Variants in GEMIN2 observed in about 807,000 individuals in gnomAD.
GEMIN2 encodes gem nuclear organelle associated protein 2, also known as gem-associated protein 2.
GEMIN2 carries 37 observed loss-of-function variants against 45.8 expected under a neutral mutation model. That is an observed-to-expected ratio of 0.81 (90% confidence interval 0.62 to 1.06). GEMIN2 has a LOEUF of 1.06. Among genes scored for constraint, GEMIN2 ranks in the 50% least tolerant of loss-of-function variants. GEMIN2 has a pLI of 0.00. For missense variants in GEMIN2, 335 were observed against 321.8 expected (o/e 1.04, Z -0.31); for synonymous variants, 101 against 111.5 (o/e 0.91, Z 0.60).
chr14:39,122,788 C>T, intron 5 of GEMIN2: 1 of 324,696 alleles, frequency 3.1e-6, no homozygotes, highest in African/African-American at 2.1e-5. Context: ...AAATGTTTGC[C>T]AACCCAGACT....
intron 7 of GEMIN2, among the ~76,000 whole-genome samples, chr14:39,129,934 GTTTTT>G (rs34165330): frequency 2.8e-4 from 17 of 61,432 alleles, no homozygotes; most frequent in Admixed American, 1.4e-3. Flanking sequence ...AGACAAGTTT[GTTTTT>G]TTTTTTTTTT....
chr14:39,128,143 A>T, intron 6 of GEMIN2, 137 bp from the exon 7 acceptor site: 1 of 528,382 alleles, frequency 1.9e-6, no homozygotes, highest in Non-Finnish European at 3.4e-6. Flanking sequence ...CAAACAAATT[A>T]GCTTTCTTTG....
chr14:39,126,458 G>A (rs143348872), intron 6 of GEMIN2, among the ~76,000 whole-genome samples: 102 of 152,272 alleles, frequency 6.7e-4, no homozygotes, highest in Non-Finnish European at 1.2e-3. Flanking sequence ...GGGAATACAG[G>A]TGTGAACCAC....
chr14:39,121,277 A>G (rs1333528411), intron 4 of GEMIN2, among the ~76,000 whole-genome samples: 1 of 152,180 alleles, frequency 6.6e-6, no homozygotes, highest in Admixed American at 6.5e-5. Context: ...CACACTTGTA[A>G]TCCCAGCACT....
chr14:39,135,717 G>C (rs1194635732), intron 9 of GEMIN2, among the ~76,000 whole-genome samples: 1 of 152,042 alleles, frequency 6.6e-6, no homozygotes, highest in African/African-American at 2.4e-5. Context: ...AGTGAGCCAT[G>C]ACAAAATCTG....
chr14:39,129,944 T>G (rs549527195), intron 7 of GEMIN2, among the ~76,000 whole-genome samples: 6 of 134,658 alleles, frequency 4.5e-5, no homozygotes, highest in African/African-American at 1.8e-4. Flanking sequence ...GTTTTTTTTT[T>G]TTTTTTTTTT....
Position 39,128,395 on chromosome 14 carries a change from G to A in GEMIN2, c.600+47G>A, listed in dbSNP as rs372309970. The A allele has an allele frequency of 1.3e-5, 13 of 992,488 alleles. No homozygotes were observed. The South Asian group carries it at 1.3e-4, about 10-fold the overall frequency. 61.5% of individuals were successfully genotyped at this position (992,488 alleles called of 1,614,324 possible). On this transcript the variant is annotated intron_variant, in intron 7 of 9. Coordinates refer to ENST00000308317, the MANE Select transcript of GEMIN2 (RefSeq NM_003616.3). ...TTCATAATGTAGGCAAAAATTAGACGTTTTGGGTCAACTGTGGGCCACATA... is the reference window on the plus strand; with the variant it reads ...TTCATAATGTAGGCAAAAATTAGACATTTTGGGTCAACTGTGGGCCACATA...
rs139047393 is a variant in GEMIN2, at chr14:39,118,594, A to T, written c.367A>T (p.Thr123Ser). 2.3e-3 allele frequency: 3,208 copies of T among 1,405,856 alleles called. 12 individuals carry two copies. Among genetic ancestry groups the T allele is most frequent in the Non-Finnish European group, 2.9e-3 (2,922 of 990,536 alleles). 87.1% of individuals were successfully genotyped at this position (1,405,856 alleles called of 1,614,324 possible). The part of the protein sequence containing the change: ...WKSQQLDSNV[T>S]MPKSEDEEGW... The stretch of plus-strand genomic sequence containing the variant: ...ATCACAACAGTTGGATAGTAATGTG[A>T]CAATGGTATGTAAGTTTCTCAGTTT... The change falls in exon 4 of 10, where the codon ACA becomes TCA. Residue 123 changes from threonine to serine, a missense_variant. Thr to Ser is a moderately conservative substitution (Grantham distance 58). Transcript: ENST00000308317.
At chr14:39,128,490 T>C (rs532550285) in intron 7 of GEMIN2, 142 bp downstream of exon 7, 41 of 416,086 alleles carry the variant, frequency 9.9e-5, no homozygotes, top group South Asian at 2.0e-4. Context: ...CTTTTCTTTT[T>C]TTTTTTTTTT....
Position 39,125,046 on chromosome 14 carries a change from A to C in GEMIN2, c.531+10A>C. 1 of 1,253,130 alleles carries C rather than the reference A, an allele frequency of 8.0e-7. No homozygotes were observed. The highest frequency in any genetic ancestry group is 1.2e-5 in the South Asian group (1 of 82,922). The allele number at this position is 1,253,130 out of a possible 1,614,324, so 77.6% of individuals were successfully genotyped here. A position where few individuals can be genotyped will look rare whatever the true frequency, so the allele number is the denominator to read the frequency against. On this transcript the variant is annotated intron_variant, in intron 6 of 9. Transcript: ENST00000308317. ...TAGCAGAATGAATCAGGTAAAATTA[A>C]TAATAGAGATATATGCATTCTTTTG...
At chr14:39,134,611 A>G (rs1170199726) in intron 9 of GEMIN2, among the ~76,000 whole-genome samples, 2 of 152,176 alleles carry the variant, frequency 1.3e-5, no homozygotes, top group East Asian at 1.9e-4. Flanking sequence ...TTGATCTACA[A>G]TAATTATGCT....
chr14:39,121,172 C>A (rs1396977493), intron 4 of GEMIN2, among the ~76,000 whole-genome samples: 2 of 152,092 alleles, frequency 1.3e-5, no homozygotes, highest in Non-Finnish European at 2.9e-5. Flanking sequence ...ATACTTATTT[C>A]TGTCTTTATC....
At chr14:39,131,034 A>T (rs1248249379) in intron 7 of GEMIN2, among the ~76,000 whole-genome samples, 4 of 152,132 alleles carry the variant, frequency 2.6e-5, no homozygotes, top group Non-Finnish European at 5.9e-5. Flanking sequence ...ATGGTGGCTC[A>T]CGCCTGTAAT....
intron 5 of GEMIN2, among the ~76,000 whole-genome samples, chr14:39,124,693 A>C (rs2052618216): frequency 6.6e-6 from 1 of 152,044 alleles, no homozygotes; most frequent in Non-Finnish European, 1.5e-5. Flanking sequence ...GCATCACCTG[A>C]GCCCAGGAAG....
chr14:39,122,496 G>T lies in GEMIN2; in HGVS notation c.439G>T (p.Ala147Ser). 3 of 1,608,908 alleles carry T rather than the reference G, an allele frequency of 1.9e-6. No homozygotes were observed. The highest frequency in any genetic ancestry group is 1.7e-6 in the Non-Finnish European group (2 of 1,175,896). Reference protein sequence around the residue: ...CLGEKLCADGAVGPATNESPG... With the variant: ...CLGEKLCADGSVGPATNESPG... ...GGGTGAAAAGTTATGTGCTGACGGG[G>T]CTGTTGGACCAGCCACAAATGAAAG... The change falls in exon 5 of 10, where the codon GCT (alanine) becomes TCT (serine). Residue 147 changes from alanine to serine, a missense_variant. By Grantham distance (99) the Ala-to-Ser change is moderately conservative. Coordinates refer to ENST00000308317, the MANE Select transcript of GEMIN2 (RefSeq NM_003616.3).
intron 6 of GEMIN2, 140 bp downstream of exon 6, chr14:39,125,176 A>G (rs2052624055): frequency 1.8e-6 from 1 of 546,616 alleles, no homozygotes; most frequent in Non-Finnish European, 3.3e-6. Context: ...TTTAATCCTT[A>G]CTACAACCCT....
chr14:39,131,114 A>G (rs2052709699), intron 7 of GEMIN2, among the ~76,000 whole-genome samples: 1 of 152,042 alleles, frequency 6.6e-6, no homozygotes, highest in Non-Finnish European at 1.5e-5. Context: ...CCTGAACAAC[A>G]TGGTGAAACC....
chr14:39,123,908 A>G (rs2052609036), intron 5 of GEMIN2, among the ~76,000 whole-genome samples: 1 of 150,628 alleles, frequency 6.6e-6, no homozygotes, highest in African/African-American at 2.4e-5. Flanking sequence ...TTTTGTAGCG[A>G]TAAGTTTTTT....
chr14:39,128,646 A>G (rs1594517727), intron 7 of GEMIN2, among the ~76,000 whole-genome samples: 5 of 151,290 alleles, frequency 3.3e-5, no homozygotes, highest in Admixed American at 3.3e-4. Flanking sequence ...GCATGCAGCC[A>G]CGCCCAGTTT....
Sources: allele counts gnomAD v4.1 joint callset (sites outside exome capture counted in the v4.1 genomes callset), GRCh38; gene constraint gnomAD v4.1.1; transcripts MANE v1.5; gene names NCBI Gene and HGNC (gene_info 2026-07-23, HGNC 2026-07-21).